Variants in RFT1 observed in about 807,000 individuals in gnomAD.
RFT1 encodes the protein RFT1 glycolipid translocator homolog.
RFT1 carries 43 observed loss-of-function variants against 62.2 expected under a neutral mutation model. That is an observed-to-expected ratio of 0.69 (90% CI 0.54 to 0.89). The LOEUF (loss-of-function observed/expected upper bound fraction) is 0.89. Ranked by LOEUF, RFT1 falls within the 40% of genes least tolerant of loss-of-function variation. The probability of loss-of-function intolerance (pLI) is 0.00; values close to 1 mark genes in which losing one functional copy is unlikely to be tolerated. For synonymous variants in RFT1, 262 were observed against 264.6 expected (o/e 0.99, Z 0.10); for missense variants, 605 against 649.9 (o/e 0.93, Z 0.75).
the RFT1 span, among the ~76,000 whole-genome samples, chr3:53,083,075 C>A: frequency 6.6e-6 from 1 of 151,592 alleles, no homozygotes; most frequent in African/African-American, 2.4e-5. Flanking sequence ...GCGGTGGGCA[C>A]CTGTAATCCC....
intron 5 of RFT1, among the ~76,000 whole-genome samples, chr3:53,120,376 G>C (rs904823469): frequency 3.9e-5 from 6 of 152,196 alleles, no homozygotes; most frequent in Admixed American, 1.3e-4. Context: ...TCAGCACCCT[G>C]CAAAGATCTA....
intron 1 of RFT1, among the ~76,000 whole-genome samples, chr3:53,127,351 G>A (rs1702135456): frequency 6.6e-6 from 1 of 151,866 alleles, no homozygotes; most frequent in African/African-American, 2.4e-5. Flanking sequence ...ATCACATAGG[G>A]TTGATTAAAA....
intron 11 of RFT1, among the ~76,000 whole-genome samples, chr3:53,098,031 G>A (rs372301708): frequency 3.9e-5 from 6 of 152,222 alleles, no homozygotes; most frequent in African/African-American, 4.8e-5. Flanking sequence ...AGAAGAGAGA[G>A]TAGAAAGCAT....
chr3:53,092,861 G>A (rs144613615), intron 11 of RFT1, among the ~76,000 whole-genome samples: 66 of 152,288 alleles, frequency 4.3e-4, no homozygotes, highest in African/African-American at 1.4e-3. Context: ...TTAGTTAAGC[G>A]ATACTTTGTG....
rs565011794 is a variant in RFT1, at chr3:53,106,529, T to C, written c.826+290A>G. On this transcript the variant is annotated intron_variant, in intron 8 of 12. Transcript: ENST00000296292. The stretch of plus-strand genomic sequence containing the variant: ...GCCACACAAACATGGGGCAGATTTT[T>C]GTGGCTGTGACAGTGAGCTCCCTTT... 3.3e-3 allele frequency among the ~76,000 whole-genome samples: 510 copies of C among 152,316 alleles called. 1 individual carries two copies. The highest frequency in any genetic ancestry group is 3.0e-3 in the Non-Finnish European group (205 of 68,028).
At position 53,104,255 on chromosome 3, in the gene RFT1, CAGTT is replaced by C. The variant is rs1470085315; in HGVS notation, c.958-162_958-159del. On this transcript the variant is annotated intron_variant, in intron 9 of 12. Coordinates refer to ENST00000296292, the MANE Select transcript of RFT1 (RefSeq NM_052859.4). ...TTTTGTAGTGTGTTTGTTTTCACGT[CAGTT>C]AGCAAATGAAGGAAAAAGTGTGTGT... Among the ~76,000 whole-genome samples, 11 of 152,290 alleles carry C rather than the reference CAGTT, an allele frequency of 7.2e-5. No individual in the cohort carries two copies. In the East Asian group the frequency reaches 2.1e-3, roughly 29 times the overall value.
At chr3:53,114,980 A>G (rs1286400039) in intron 6 of RFT1, among the ~76,000 whole-genome samples, 3 of 152,130 alleles carry the variant, frequency 2.0e-5, no homozygotes, top group Non-Finnish European at 4.4e-5. Flanking sequence ...TCCACCCTAC[A>G]GAGCACTCCT....
chr3:53,123,654 T>C, intron 3 of RFT1, 70 bp downstream of exon 3: 1 of 1,222,352 alleles, frequency 8.2e-7, no homozygotes. Flanking sequence ...AGGCACGTGT[T>C]ACTGTTTCAT....
At chr3:53,104,300 G>A (rs577097454) in intron 9 of RFT1, among the ~76,000 whole-genome samples, 2 of 152,318 alleles carry the variant, frequency 1.3e-5, no homozygotes, top group African/African-American at 4.8e-5. Context: ...TAGGTCGTAA[G>A]GGGGAGGGTT....
chr3:53,109,073 C>T (rs1427615570), intron 7 of RFT1, among the ~76,000 whole-genome samples: 1 of 152,072 alleles, frequency 6.6e-6, no homozygotes, highest in African/African-American at 2.4e-5. Flanking sequence ...CCTTTGCCAA[C>T]CTCACCCTCA....
intron 6 of RFT1, among the ~76,000 whole-genome samples, chr3:53,114,154 A>C (rs1303378887): frequency 6.6e-6 from 1 of 152,196 alleles, no homozygotes; most frequent in Admixed American, 6.5e-5. Flanking sequence ...TTCTGACCAC[A>C]GCCGGCTTCA....
rs937938005 is a variant in RFT1 at position 53,097,376 on chromosome 3, T to C, written c.1208+2005A>G. On this transcript the variant is annotated intron_variant, in intron 11 of 12. Transcript: ENST00000296292. ...ATACATGTCTGAAAACTGCACTTAA[T>C]ATCACATTTTACTCTTAGGGGAGGT... is the stretch of plus-strand genomic sequence containing the variant. Among the ~76,000 whole-genome samples, 6 of 152,362 alleles carry C rather than the reference T, an allele frequency of 3.9e-5. No individual in the cohort carries two copies. The South Asian group carries it at 1.2e-3, about 32-fold the overall frequency.
chr3:53,094,077 G>A (rs539100628), intron 11 of RFT1, among the ~76,000 whole-genome samples: 7 of 152,208 alleles, frequency 4.6e-5, no homozygotes, highest in African/African-American at 1.7e-4. Context: ...TGATTCTGCA[G>A]GTGTGGGAGG....
At chr3:53,105,416 C>A (rs1296067314) in intron 9 of RFT1, among the ~76,000 whole-genome samples, 1 of 3,618 alleles carries the variant, frequency 2.8e-4, no homozygotes, top group Non-Finnish European at 2.0e-3. Flanking sequence ...TCTATCCCCG[C>A]CCCCCCCCCC....
chr3:53,082,686 A>G, the RFT1 span, among the ~76,000 whole-genome samples: 1 of 151,672 alleles, frequency 6.6e-6, no homozygotes, highest in Non-Finnish European at 1.5e-5. Context: ...AAGATCTCAC[A>G]GGTAACACCT....
chr3:53,073,759 G>A, the RFT1 span, among the ~76,000 whole-genome samples: 2 of 152,202 alleles, frequency 1.3e-5, no homozygotes, highest in Non-Finnish European at 2.9e-5. Context: ...CTGGAGAGCA[G>A]AGGCCCCGTT....
At chr3:53,111,725 G>T in intron 7 of RFT1, 105 bp downstream of exon 7, 1 of 925,740 alleles carries the variant, frequency 1.1e-6, no homozygotes, top group Non-Finnish European at 1.8e-6. Context: ...AAATTCTTCT[G>T]CCCCAGAGGC....
chr3:53,125,926 A>G lies in RFT1; in HGVS notation c.132T>C (p.Val44=), dbSNP rs1218035102. ...CCTCCTACCTTACATTTACTACGCC[A>G]ACGATTTCCTTTGACAGGAAGCGAA... The part of the protein sequence containing the change: ...FILRFLSKEI[V]GVVNVRLTLL... Residue 44 remains valine (V), a synonymous_variant, in exon 2 of 13, where the codon GTT becomes GTC. Transcript: ENST00000296292. 2 of 1,613,716 alleles carry G rather than the reference A, an allele frequency of 1.2e-6. No individual in the cohort carries two copies. Among genetic ancestry groups the G allele is most frequent in the African/African-American group, 2.7e-5 (2 of 74,940 alleles).
chr3:53,120,559 A>G (rs992976821), intron 5 of RFT1, among the ~76,000 whole-genome samples: 4 of 152,186 alleles, frequency 2.6e-5, no homozygotes, highest in African/African-American at 4.8e-5. Context: ...GGGTAGGGTG[A>G]TAAGAGGGCC....
Sources: gnomAD v4.1 joint callset for allele counts (sites outside exome capture counted in the v4.1 genomes callset) on GRCh38, gnomAD v4.1.1 for gene constraint, MANE v1.5 for transcripts, NCBI Gene and HGNC (gene_info 2026-07-23, HGNC 2026-07-21) for gene names.